CDKAL1: variants seen among roughly 807,000 people sequenced by gnomAD.
CDKAL1 encodes the protein CDKAL1 threonylcarbamoyladenosine tRNA methylthiotransferase.
A neutral mutation model predicts 68.2 loss-of-function variants in CDKAL1; 32 were observed. The observed-to-expected ratio is 0.47, with a 90% confidence interval of 0.35 to 0.63. CDKAL1 has a LOEUF of 0.63. Ranked by LOEUF, CDKAL1 falls within the 30% of genes least tolerant of loss-of-function variation. CDKAL1 has a pLI of 0.00. For synonymous variants in CDKAL1, 234 were observed against 244.3 expected (o/e 0.96, Z 0.39); for missense variants, 606 against 696.7 (o/e 0.87, Z 1.47).
intron 10 of CDKAL1, among the ~76,000 whole-genome samples, chr6:20,975,325 T>C: frequency 6.6e-6 from 1 of 152,214 alleles, no homozygotes; most frequent in East Asian, 1.9e-4. Context: ...AGACTGTGCT[T>C]TTCTTGTGCT....
At chr6:20,569,998 CAGA>C (rs200784386) in intron 4 of CDKAL1, among the ~76,000 whole-genome samples, 3,633 of 152,104 alleles carry the variant, frequency 0.024, 132 homozygotes, top group African/African-American at 0.077. Context: ...GGTGAGACCT[CAGA>C]AAATAAGAGT....
chr6:20,559,939 C>A (rs868828398), intron 4 of CDKAL1, among the ~76,000 whole-genome samples: 10 of 152,152 alleles, frequency 6.6e-5, no homozygotes, highest in Middle Eastern at 3.4e-3. Flanking sequence ...TGATAAATTA[C>A]CATGAAAGCT....
At chr6:20,885,669 C>T (rs559430974) in intron 9 of CDKAL1, among the ~76,000 whole-genome samples, 2 of 152,260 alleles carry the variant, frequency 1.3e-5, no homozygotes, top group South Asian at 2.1e-4. Flanking sequence ...CTTCATCAGA[C>T]TTTAAACTGT....
At chr6:21,140,898 AG>A (rs1255189188) in intron 13 of CDKAL1, among the ~76,000 whole-genome samples, 1 of 152,188 alleles carries the variant, frequency 6.6e-6, no homozygotes, top group Non-Finnish European at 1.5e-5. Flanking sequence ...GGGAGGCAAA[AG>A]GCACTTCTTA....
At chr6:20,741,639 A>G (rs1029823319) in intron 6 of CDKAL1, among the ~76,000 whole-genome samples, 13 of 145,870 alleles carry the variant, frequency 8.9e-5, no homozygotes, top group African/African-American at 3.1e-4. Context: ...TACAAAAGAC[A>G]TGCTCTTGTT....
At chr6:20,745,553 C>CT (rs1269456675) in intron 6 of CDKAL1, among the ~76,000 whole-genome samples, 2 of 152,024 alleles carry the variant, frequency 1.3e-5, no homozygotes, top group African/African-American at 2.4e-5. Flanking sequence ...GTTGGTTTCA[C>CT]TTTTTTTGGC....
At chr6:20,720,035 G>A (rs899063817) in intron 5 of CDKAL1, among the ~76,000 whole-genome samples, 3 of 151,970 alleles carry the variant, frequency 2.0e-5, no homozygotes, top group South Asian at 4.2e-4. Flanking sequence ...TAGCCTTTCC[G>A]TAGTCTGGAT....
chr6:21,174,353 G>T (rs1288349799), intron 13 of CDKAL1, among the ~76,000 whole-genome samples: 1 of 152,104 alleles, frequency 6.6e-6, no homozygotes, highest in South Asian at 2.1e-4. Flanking sequence ...TTAGTCAAAA[G>T]TTCAACAGGG....
At position 21,142,223 on chromosome 6, in the gene CDKAL1, C is replaced by T. The variant is rs184509773; in HGVS notation, c.1299+33760C>T. Among the ~76,000 whole-genome samples the T allele has an allele frequency of 4.2e-4, 63 of 150,798 alleles. No individual in the cohort carries two copies. In the East Asian group the frequency reaches 0.011, roughly 27 times the overall value. ...CCCCTCTTGGCAAGAGAATGGCTTA[C>T]TTGAGATAGAGGCAAGCAGGTAGAA... On this transcript the variant is annotated intron_variant, in intron 13 of 15. Coordinates refer to ENST00000274695, the MANE Select transcript of CDKAL1 (RefSeq NM_017774.3).
chr6:20,600,537 G>A (rs1766036121), intron 4 of CDKAL1, among the ~76,000 whole-genome samples: 1 of 151,750 alleles, frequency 6.6e-6, no homozygotes, highest in South Asian at 2.1e-4. Flanking sequence ...AAGACCTCAG[G>A]ATAAATACCA....
intron 5 of CDKAL1, among the ~76,000 whole-genome samples, chr6:20,673,401 A>G (rs1214933053): frequency 1.3e-5 from 2 of 152,226 alleles, no homozygotes; most frequent in Non-Finnish European, 2.9e-5. Context: ...GTAATCCCTA[A>G]TAGTATAAAT....
chr6:20,791,982 A>G (rs2150391719), intron 8 of CDKAL1, among the ~76,000 whole-genome samples: 1 of 146,286 alleles, frequency 6.8e-6, no homozygotes, highest in Middle Eastern at 3.4e-3. Flanking sequence ...ATCAAGAGAG[A>G]GAAAAAAAAA....
intron 9 of CDKAL1, among the ~76,000 whole-genome samples, chr6:20,935,048 A>G (rs1266717700): frequency 6.6e-6 from 1 of 151,724 alleles, no homozygotes; most frequent in Non-Finnish European, 1.5e-5. Context: ...GGCACGTGCC[A>G]ACACACCCAG....
intron 5 of CDKAL1, among the ~76,000 whole-genome samples, chr6:20,667,623 C>T (rs1769614076): frequency 6.6e-6 from 1 of 151,934 alleles, no homozygotes; most frequent in African/African-American, 2.4e-5. Flanking sequence ...GTATTTTTTC[C>T]TTATTTTTTC....
intron 5 of CDKAL1, among the ~76,000 whole-genome samples, chr6:20,734,455 G>A (rs977141968): frequency 6.6e-6 from 1 of 152,052 alleles, no homozygotes; most frequent in African/African-American, 2.4e-5. Flanking sequence ...CAGGATAAAA[G>A]CTTTTAAAAA....
intron 4 of CDKAL1, among the ~76,000 whole-genome samples, chr6:20,568,354 C>T (rs886947937): frequency 2.7e-5 from 4 of 150,436 alleles, no homozygotes; most frequent in African/African-American, 4.9e-5. Context: ...TATGAAATAA[C>T]GCATTTGACT....
chr6:20,611,080 GT>G (rs1203323055), intron 4 of CDKAL1, among the ~76,000 whole-genome samples: 1 of 152,122 alleles, frequency 6.6e-6, no homozygotes, highest in Non-Finnish European at 1.5e-5. Context: ...GTGGCCATCT[GT>G]TTTCTTTCTC....
chr6:21,155,592 G>A (rs780993693), intron 13 of CDKAL1, among the ~76,000 whole-genome samples: 4 of 152,188 alleles, frequency 2.6e-5, no homozygotes, highest in South Asian at 2.1e-4. Context: ...AGCAGGCACC[G>A]TGTCTCCTTG....
chr6:20,704,516 C>A lies in CDKAL1; in HGVS notation c.372-35003C>A, dbSNP rs77252776. Among the ~76,000 whole-genome samples the A allele has an allele frequency of 7.5e-3, 1,145 of 152,116 alleles. 9 individuals are homozygous for A. Among genetic ancestry groups the A allele is most frequent in the Middle Eastern group, 0.02 (6 of 294 alleles). ...TGTGCTTGTCATGTTCAAGAAACAG[C>A]AAGGAGAGGCAAGTGTGGCTGGAAT... On this transcript the variant is annotated intron_variant, in intron 5 of 15. Transcript: ENST00000274695.
Sources: allele counts gnomAD v4.1 joint callset (sites outside exome capture counted in the v4.1 genomes callset), GRCh38; gene constraint gnomAD v4.1.1; transcripts MANE v1.5; gene names NCBI Gene and HGNC (gene_info 2026-07-23, HGNC 2026-07-21).